Variants in ZNF423 observed in about 807,000 individuals in gnomAD.
The protein encoded by ZNF423 is zinc finger protein 423.
A neutral mutation model predicts 95.8 loss-of-function variants in ZNF423; 12 were observed. That is an observed-to-expected ratio of 0.13 (90% CI 0.08 to 0.20). ZNF423 has a LOEUF of 0.20. ZNF423 is among the 10% of genes least tolerant of loss of function. The pLI is 1.00. For missense variants in ZNF423, 1,316 were observed against 1,737.1 expected, an observed-to-expected ratio of 0.76 and a Z score of 4.31; for synonymous variants, 749 against 711.9, an observed-to-expected ratio of 1.05 and a Z score of -0.83.
chr16:49,804,028 C>T (rs1051355848), intron 1 of ZNF423, among the ~76,000 whole-genome samples: 32 of 149,776 alleles, frequency 2.1e-4, no homozygotes, highest in African/African-American at 5.7e-4. Flanking sequence ...CTCCACCTCC[C>T]GGATTCAAGT....
At chr16:49,811,985 C>T (rs1469223742) in intron 1 of ZNF423, among the ~76,000 whole-genome samples, 2 of 152,252 alleles carry the variant, frequency 1.3e-5, no homozygotes, top group Non-Finnish European at 2.9e-5. Flanking sequence ...CTCCTCTCCC[C>T]TTCCTCCTGC....
chr16:49,502,770 GCACA>G (rs1967458813), intron 7 of ZNF423, among the ~76,000 whole-genome samples: 1 of 150,020 alleles, frequency 6.7e-6, no homozygotes, highest in Admixed American at 6.6e-5. Flanking sequence ...CTATATGCAT[GCACA>G]CACACAAATA....
At chr16:49,683,173 A>C (rs1312113699) in intron 3 of ZNF423, among the ~76,000 whole-genome samples, 1 of 152,046 alleles carries the variant, frequency 6.6e-6, no homozygotes, top group African/African-American at 2.4e-5. Context: ...CTATTCACTC[A>C]ACAAATACTC....
At chr16:49,645,298 T>C (rs1973131694) in intron 3 of ZNF423, among the ~76,000 whole-genome samples, 1 of 151,782 alleles carries the variant, frequency 6.6e-6, no homozygotes, top group African/African-American at 2.4e-5. Context: ...AACTACCCAA[T>C]CCCACATGAT....
Position 49,636,193 on chromosome 16 carries a change from T to G in ZNF423, c.2983A>C (p.Thr995Pro). The G allele has an allele frequency of 6.2e-7, 1 of 1,613,500 alleles. No homozygotes were observed. Among genetic ancestry groups the G allele is most frequent in the Non-Finnish European group, 8.5e-7 (1 of 1,180,020 alleles). The change falls in exon 4 of 8, where the codon ACG (threonine) becomes CCG (proline). Residue 995 changes from threonine (T) to proline (P), a missense_variant. By Grantham distance (38) the Thr-to-Pro change is conservative. Coordinates refer to ENST00000563137, the MANE Select transcript of ZNF423 (RefSeq NM_001379286.1). The surrounding 1 kb of genome is among the most constrained non-coding windows in gnomAD (Gnocchi z 8.6). ...ATCTTGCAGATGCGACAGGTGCCCG[T>G]GTCCAGGCTCTTGCTGTGGGTCACC... ...HKVTHSKSLDTGTCRICKMPL... is the reference protein window; with the variant it reads ...HKVTHSKSLDPGTCRICKMPL...
Position 49,825,913 on chromosome 16 carries a change from C to A in ZNF423, c.40+29822G>T, listed in dbSNP as rs544543012. 1.4e-3 allele frequency among the ~76,000 whole-genome samples: 214 copies of A among 152,288 alleles called. 1 individual carries two copies. The highest frequency in any genetic ancestry group is 5.1e-3 in the African/African-American group (211 of 41,560). On this transcript the variant is annotated intron_variant, in intron 1 of 7. Coordinates refer to ENST00000563137, the MANE Select transcript of ZNF423 (RefSeq NM_001379286.1). ...AATGTACTAATAATAAAATCTCTTG[C>A]TTATTGAAAAGGGCTGGCCAGGTGT... is the stretch of plus-strand genomic sequence containing the variant.
chr16:49,556,910 A>G (rs947096812), intron 5 of ZNF423, among the ~76,000 whole-genome samples: 8 of 152,318 alleles, frequency 5.3e-5, no homozygotes, highest in Non-Finnish European at 1.2e-4. Flanking sequence ...GCCCAGGCAC[A>G]TGTAACTCAA....
At chr16:49,728,147 G>A (rs2033075203) in intron 3 of ZNF423, among the ~76,000 whole-genome samples, 1 of 152,054 alleles carries the variant, frequency 6.6e-6, no homozygotes, top group Admixed American at 6.6e-5. Context: ...AACACAGTTC[G>A]AAAACCACTG....
intron 4 of ZNF423, among the ~76,000 whole-genome samples, chr16:49,629,760 G>A (rs979232739): frequency 1.3e-5 from 2 of 152,214 alleles, no homozygotes; most frequent in African/African-American, 2.4e-5. Flanking sequence ...ACATAAAGTT[G>A]CAGAATAACA....
At chr16:49,546,728 T>G (rs1969457616) in intron 5 of ZNF423, among the ~76,000 whole-genome samples, 1 of 152,160 alleles carries the variant, frequency 6.6e-6, no homozygotes, top group Admixed American at 6.5e-5. Flanking sequence ...TTTTCGAATA[T>G]TCCCTGCACT....
intron 5 of ZNF423, among the ~76,000 whole-genome samples, chr16:49,564,634 A>C (rs899526343): frequency 2.0e-5 from 3 of 152,206 alleles, no homozygotes; most frequent in African/African-American, 7.2e-5. Flanking sequence ...CAGATCCAAG[A>C]ATCACCCTAC....
chr16:49,845,333 G>C (rs1182789262), intron 1 of ZNF423, among the ~76,000 whole-genome samples: 7 of 151,596 alleles, frequency 4.6e-5, no homozygotes, highest in Non-Finnish European at 1.0e-4. Flanking sequence ...TCAAACTCCT[G>C]ATCTCAGGTG....
intron 3 of ZNF423, among the ~76,000 whole-genome samples, chr16:49,668,664 A>G (rs1167324436): frequency 6.6e-6 from 1 of 152,212 alleles, no homozygotes; most frequent in Non-Finnish European, 1.5e-5. Flanking sequence ...GCCTCAGTAC[A>G]GGGAGTAGGA....
chr16:49,755,572 G>C, intron 2 of ZNF423, among the ~76,000 whole-genome samples: 1 of 152,162 alleles, frequency 6.6e-6, no homozygotes, highest in Non-Finnish European at 1.5e-5. Flanking sequence ...AGCCTGTGAC[G>C]AGTTGAGTTG....
chr16:49,669,341 G>A (rs1226966499), intron 3 of ZNF423, among the ~76,000 whole-genome samples: 30 of 150,268 alleles, frequency 2.0e-4, no homozygotes, highest in African/African-American at 6.6e-4. Context: ...AAAAAAAAAA[G>A]AAAAAGAAAA....
chr16:49,679,658 C>T (rs2031268329), intron 3 of ZNF423, among the ~76,000 whole-genome samples: 1 of 152,186 alleles, frequency 6.6e-6, no homozygotes, highest in African/African-American at 2.4e-5. Flanking sequence ...CTGCAGGTGC[C>T]CCTCGGCACA....
Position 49,636,546 on chromosome 16 carries a change from G to A in ZNF423, c.2630C>T (p.Pro877Leu). The A allele has an allele frequency of 1.9e-6, 3 of 1,613,932 alleles. No individual in the cohort carries two copies. In the South Asian group the frequency reaches 3.3e-5, roughly 18 times the overall value. ...QGMLLKNPEAPNSHEASEDDV... is the reference protein window; with the variant it reads ...QGMLLKNPEALNSHEASEDDV... Reference sequence around the variant, plus strand: ...ATCCTCGCTGGCCTCATGGCTGTTAGGTGCCTCAGGGTTCTTAAGCAGCAT... The same window carrying A: ...ATCCTCGCTGGCCTCATGGCTGTTAAGTGCCTCAGGGTTCTTAAGCAGCAT... The change falls in exon 4 of 8, where the codon CCT becomes CTT. Residue 877 changes from proline (P) to leucine (L), a missense_variant. Pro to Leu is a moderately conservative substitution (Grantham distance 98). Around this residue, in one of 6 missense-constraint regions of ZNF423, gnomAD observed 620 missense variants for 775.6 expected, o/e 0.80. Transcript: ENST00000563137. The surrounding 1 kb of genome is among the most constrained non-coding windows in gnomAD (Gnocchi z 8.6).
At position 49,636,586 on chromosome 16, in the gene ZNF423, C is replaced by A. The variant is rs1972720175; in HGVS notation, c.2590G>T (p.Ala864Ser). 1 of 1,613,828 alleles carries A rather than the reference C, an allele frequency of 6.2e-7. No individual in the cohort carries two copies. Among genetic ancestry groups the A allele is most frequent in the Non-Finnish European group, 8.5e-7 (1 of 1,179,964 alleles). Residue 864 changes from alanine (A) to serine (S), a missense_variant, in exon 4 of 8, where the codon GCT (alanine) becomes TCT (serine). Ala to Ser is a moderately conservative substitution (Grantham distance 99). Around this residue, in one of 6 missense-constraint regions of ZNF423, gnomAD observed 620 missense variants for 775.6 expected, o/e 0.80. Coordinates refer to ENST00000563137, the MANE Select transcript of ZNF423 (RefSeq NM_001379286.1). This position sits in a 1 kb window ranked among gnomAD's most constrained non-coding sequence, Gnocchi z 8.6. ...TTAAGCAGCATGCCCTGCAGGTCAG[C>A]AGGCTCAGCTTTCTTGGTGGCCATT... The part of the protein sequence containing the change: ...PPMATKKAEP[A>S]DLQGMLLKNP...
chr16:49,605,340 T>A (rs1186199796), intron 5 of ZNF423, among the ~76,000 whole-genome samples: 1 of 152,220 alleles, frequency 6.6e-6, no homozygotes, highest in African/African-American at 2.4e-5. Context: ...CGGGTTTGCA[T>A]CCATCCCAGC....
Sources: allele counts gnomAD v4.1 joint callset (sites outside exome capture counted in the v4.1 genomes callset), GRCh38; gene constraint gnomAD v4.1.1; regional missense constraint gnomAD v4.1.1; non-coding constraint Gnocchi (gnomAD v3.1); transcripts MANE v1.5; gene names NCBI Gene and HGNC (gene_info 2026-07-23, HGNC 2026-07-21).